ZDHHC4: variants seen among roughly 807,000 people sequenced by gnomAD.
ZDHHC4 encodes the protein palmitoyltransferase ZDHHC4.
In ZDHHC4, 42 loss-of-function variants were observed where a neutral mutation model predicts 36.7. The observed-to-expected ratio is 1.14, with a 90% CI of 0.89 to 1.48. The LOEUF (loss-of-function observed/expected upper bound fraction) is 1.48. Among genes scored for constraint, ZDHHC4 ranks in the 40% most tolerant of loss-of-function variants. ZDHHC4 has a pLI of 0.00. For missense variants in ZDHHC4, 457 were observed against 421.5 expected (o/e 1.08, Z -0.74); for synonymous variants, 189 against 166.6 (o/e 1.13, Z -1.03).
At chr7:6,580,905 G>C in intron 3 of ZDHHC4, 1 of 531,752 alleles carries the variant, frequency 1.9e-6, no homozygotes, top group Non-Finnish European at 3.4e-6. Context: ...TACAGAGTGA[G>C]ACCCTGTCTC....
chr7:6,580,526 A>G (rs770576166), intron 2 of ZDHHC4, 29 bp from the exon 3 acceptor site: 13 of 1,578,356 alleles, frequency 8.2e-6, no homozygotes, highest in Non-Finnish European at 9.6e-6. Context: ...TCAGTAGCAG[A>G]TAGTCACACT....
chr7:6,578,131 C>A (rs10254753), intron 1 of ZDHHC4, among the ~76,000 whole-genome samples: 60,984 of 151,732 alleles, frequency 0.4, 13,337 homozygotes, highest in African/African-American at 0.58. Flanking sequence ...CGCCCGGCCT[C>A]TTTTATTGTT....
chr7:6,588,084 C>G (rs538784397), intron 7 of ZDHHC4, among the ~76,000 whole-genome samples: 1 of 152,116 alleles, frequency 6.6e-6, no homozygotes, highest in Non-Finnish European at 1.5e-5. Flanking sequence ...AGGCTGGTGT[C>G]AAACTCCTGA....
rs1053750586 is a variant in ZDHHC4 at position 6,588,563 on chromosome 7, C to G, written c.742-54C>G. The G allele has an allele frequency of 2.7e-5, 43 of 1,581,500 alleles. No homozygotes were observed. The Admixed American group carries it at 6.0e-4, about 22-fold the overall frequency. On this transcript the variant is annotated intron_variant, in intron 7 of 7. Coordinates refer to ENST00000335965, the MANE Select transcript of ZDHHC4 (RefSeq NM_001134389.2). ...GGCCCAGGGTTGGCCAGTGTTCACTCTCATGGATGTCACAGTCCAGCTGCC... is the reference window on the plus strand; with the variant it reads ...GGCCCAGGGTTGGCCAGTGTTCACTGTCATGGATGTCACAGTCCAGCTGCC...
At chr7:6,584,367 C>T (rs1048922081) in intron 6 of ZDHHC4, 1 of 152,210 alleles carries the variant, frequency 6.6e-6, no homozygotes, top group African/African-American at 2.4e-5. Context: ...AAGCTATATC[C>T]AGATATTCTT....
At chr7:6,580,369 C>G (rs888191863) in intron 2 of ZDHHC4, among the ~76,000 whole-genome samples, 186 bp from the exon 3 acceptor site, 2 of 152,076 alleles carry the variant, frequency 1.3e-5, no homozygotes, top group African/African-American at 4.8e-5. Context: ...CAGCAGGCCT[C>G]TGTTATGTGT....
chr7:6,588,739 C>A lies in ZDHHC4; in HGVS notation c.864C>A (p.Asn288Lys), dbSNP rs376906446. Residue 288 changes from asparagine to lysine, a missense_variant, in exon 8 of 8, where the codon AAC becomes AAA. Transcript: ENST00000335965. ...LYLAATNQTT[N>K]EWYRGDWAWC... ...TGGCGGCCACCAACCAGACTACTAA[C>A]GAGTGGTACAGAGGTGACTGGGCCT... 30 of 1,614,112 alleles carry A rather than the reference C, an allele frequency of 1.9e-5. No homozygotes were observed. The highest frequency in any genetic ancestry group is 2.5e-5 in the Non-Finnish European group (29 of 1,180,046).
intron 4 of ZDHHC4, 62 bp downstream of exon 4, chr7:6,581,742 A>C: frequency 7.4e-7 from 1 of 1,356,412 alleles, no homozygotes; most frequent in South Asian, 1.2e-5. Context: ...AATTGTTGAG[A>C]TCCTCTAGCT....
In ZDHHC4 at chr7:6,588,883, A is replaced by G. The variant is rs184132612; in HGVS notation, c.1008A>G (p.Pro336=). 152 of 1,607,992 alleles carry G rather than the reference A, an allele frequency of 9.5e-5. 1 individual carries two copies. The East Asian group carries it at 2.6e-3, about 27-fold the overall frequency. The change falls in exon 8 of 8, where the codon CCA becomes CCG. Residue 336 remains proline, a synonymous_variant. Transcript: ENST00000335965. ...NLQEIFLPAF[P]CHERKKQE ...AAGAGATCTTTCTACCTGCCTTTCC[A>G]TGTCATGAGAGGAAGAAACAAGAAT...
chr7:6,587,665 C>T (rs962817701), intron 7 of ZDHHC4, among the ~76,000 whole-genome samples: 1 of 152,076 alleles, frequency 6.6e-6, no homozygotes, highest in Non-Finnish European at 1.5e-5. Flanking sequence ...TTTTTCATGG[C>T]TCCTCGTTTT....
At chr7:6,583,623 A>G in intron 6 of ZDHHC4, 192 bp downstream of exon 6, 1 of 693,118 alleles carries the variant, frequency 1.4e-6, no homozygotes, top group Admixed American at 3.6e-5. Flanking sequence ...CCTGTGTAGT[A>G]GACAGTCCTC....
chr7:6,588,467 T>C, intron 7 of ZDHHC4, 150 bp from the exon 8 acceptor site: 3 of 778,034 alleles, frequency 3.9e-6, no homozygotes, highest in East Asian at 2.5e-5. Context: ...TTCTCAGTGC[T>C]GTTTATGTTC....
Position 6,585,159 on chromosome 7 carries a change from A to G in ZDHHC4, c.640A>G (p.Thr214Ala). 6.2e-7 allele frequency: 1 copy of G among 1,614,056 alleles called. No individual in the cohort carries two copies. Among genetic ancestry groups the G allele is most frequent in the Non-Finnish European group, 8.5e-7 (1 of 1,180,020 alleles). ...SAATVAIVSTTFLVHLVVMSD... is the reference protein window; with the variant it reads ...SAATVAIVSTAFLVHLVVMSD... ...TGCCACCGTCGCCATTGTGAGCACCACTTTTCTGGTCCACTTGGTGGTGAT... is the reference window on the plus strand; with the variant it reads ...TGCCACCGTCGCCATTGTGAGCACCGCTTTTCTGGTCCACTTGGTGGTGAT... The change falls in exon 7 of 8, where the codon ACT becomes GCT. Residue 214 changes from threonine to alanine, a missense_variant. Transcript: ENST00000335965.
chr7:6,583,744 T>G, intron 6 of ZDHHC4: 1 of 243,590 alleles, frequency 4.1e-6, no homozygotes, highest in Admixed American at 5.7e-5. Flanking sequence ...CCTAGTCTTC[T>G]GGGGAGGGCC....
rs1418564598 is a variant in ZDHHC4, at chr7:6,585,167, G to A, written c.648G>A (p.Leu216=). The change falls in exon 7 of 8, where the codon CTG becomes CTA. Residue 216 remains leucine, a synonymous_variant. Coordinates refer to ENST00000335965, the MANE Select transcript of ZDHHC4 (RefSeq NM_001134389.2). ...ATVAIVSTTF[L]VHLVVMSDLY... Reference sequence around the variant, plus strand: ...TCGCCATTGTGAGCACCACTTTTCTGGTCCACTTGGTGGTGATGTCAGATT... The same window carrying A: ...TCGCCATTGTGAGCACCACTTTTCTAGTCCACTTGGTGGTGATGTCAGATT... 8 of 1,614,000 alleles carry A rather than the reference G, an allele frequency of 5.0e-6. No individual in the cohort carries two copies. The highest frequency in any genetic ancestry group is 6.8e-6 in the Non-Finnish European group (8 of 1,180,048).
intron 6 of ZDHHC4, chr7:6,583,804 C>T (rs768073211): frequency 3.1e-5 from 5 of 163,078 alleles, no homozygotes; most frequent in Non-Finnish European, 6.6e-5. Flanking sequence ...TGGCTGGGCG[C>T]AGCGGTTCAT....
At chr7:6,582,045 T>A in intron 4 of ZDHHC4, 28 bp from the exon 5 acceptor site, 1 of 1,598,344 alleles carries the variant, frequency 6.3e-7, no homozygotes. Context: ...GAAACCCCCA[T>A]GAACAAGCCA....
At chr7:6,584,783 C>T (rs1165115947) in intron 6 of ZDHHC4, 9 of 553,914 alleles carry the variant, frequency 1.6e-5, no homozygotes, top group Non-Finnish European at 2.5e-5. Context: ...GGGTGCATGC[C>T]GCCACCACCT....
chr7:6,580,206 G>A (rs1780743406), intron 2 of ZDHHC4, among the ~76,000 whole-genome samples: 1 of 151,040 alleles, frequency 6.6e-6, no homozygotes, highest in Non-Finnish European at 1.5e-5. Flanking sequence ...TCACTATGTT[G>A]CCCAGGCTGG....
Sources: allele counts gnomAD v4.1 joint callset (sites outside exome capture counted in the v4.1 genomes callset), GRCh38; gene constraint gnomAD v4.1.1; transcripts MANE v1.5; gene names NCBI Gene and HGNC (gene_info 2026-07-23, HGNC 2026-07-21).